Variants in RBFOX1 observed in about 807,000 individuals in gnomAD.
RBFOX1 encodes RNA binding fox-1 homolog 1.
In RBFOX1, 8 loss-of-function variants were observed where a neutral mutation model predicts 57.7. The ratio of observed to expected loss-of-function variants is 0.14; its 90% confidence interval spans 0.08 to 0.25. The LOEUF is 0.25. RBFOX1 is among the 10% of genes least tolerant of loss of function. The pLI is 1.00. For missense variants in RBFOX1, 611 were observed against 548.5 expected, an observed-to-expected ratio of 1.11 and a Z score of -1.14; for synonymous variants, 326 against 222.4, an observed-to-expected ratio of 1.47 and a Z score of -4.15.
At chr16:7,250,551 A>G (rs1331631911) in intron 4 of RBFOX1, among the ~76,000 whole-genome samples, 1 of 152,234 alleles carries the variant, frequency 6.6e-6, no homozygotes, top group Non-Finnish European at 1.5e-5. Flanking sequence ...CCTCCAAGAA[A>G]GTAAACTACC....
intron 3 of RBFOX1, among the ~76,000 whole-genome samples, chr16:6,749,541 C>T (rs374320564): frequency 1.3e-5 from 2 of 152,192 alleles, no homozygotes; most frequent in African/African-American, 4.8e-5. Context: ...CTGCCTTTGA[C>T]TTCATATCCA....
intron 3 of RBFOX1, among the ~76,000 whole-genome samples, chr16:6,751,341 G>A (rs138011139): frequency 2.1e-4 from 32 of 152,200 alleles, no homozygotes; most frequent in African/African-American, 5.5e-4. Context: ...CCAGAAAAAT[G>A]AATGGACTGA....
At chr16:6,456,878 T>C (rs1331846231) in intron 2 of RBFOX1, among the ~76,000 whole-genome samples, 2 of 152,220 alleles carry the variant, frequency 1.3e-5, no homozygotes, top group East Asian at 1.9e-4. Context: ...TTTAATGAGA[T>C]GGCAGAATTA....
chr16:5,542,648 C>T (rs201439049), intron 2 of RBFOX1, among the ~76,000 whole-genome samples: 229 of 152,214 alleles, frequency 1.5e-3, no homozygotes, highest in Middle Eastern at 3.4e-3. Flanking sequence ...AAAGACCACG[C>T]AACACTTCCA....
chr16:6,999,322 G>C (rs1459238340), intron 3 of RBFOX1, among the ~76,000 whole-genome samples: 1 of 150,762 alleles, frequency 6.6e-6, no homozygotes, highest in Non-Finnish European at 1.5e-5. Flanking sequence ...CTCCAAAAGT[G>C]ATGGGATGAC....
intron 1 of RBFOX1, among the ~76,000 whole-genome samples, chr16:5,382,556 G>A (rs150989191): frequency 1.4e-3 from 219 of 152,174 alleles, no homozygotes; most frequent in Non-Finnish European, 2.4e-3. Flanking sequence ...TCACCTCCTC[G>A]TCTGTACTTT....
At chr16:6,329,086 C>A (rs1015574126) in intron 2 of RBFOX1, among the ~76,000 whole-genome samples, 3 of 152,200 alleles carry the variant, frequency 2.0e-5, no homozygotes, top group African/African-American at 7.2e-5. Flanking sequence ...TGAAGTTAAT[C>A]TTTCCTTTCA....
chr16:7,205,102 C>G (rs894584090), intron 4 of RBFOX1, among the ~76,000 whole-genome samples: 3 of 152,152 alleles, frequency 2.0e-5, no homozygotes, highest in African/African-American at 4.8e-5. Context: ...CCCCTTTTAT[C>G]TGATTTTCTC....
At chr16:7,204,444 C>G (rs966419040) in intron 4 of RBFOX1, among the ~76,000 whole-genome samples, 4 of 152,104 alleles carry the variant, frequency 2.6e-5, no homozygotes, top group African/African-American at 7.2e-5. Flanking sequence ...GAGTTTGAGA[C>G]CAGCCTAAGC....
At chr16:6,459,908 T>C (rs1046319754) in intron 2 of RBFOX1, among the ~76,000 whole-genome samples, 2 of 137,394 alleles carry the variant, frequency 1.5e-5, no homozygotes, top group Admixed American at 1.7e-4. Flanking sequence ...AGCTTGAACC[T>C]GAGAGGCGGA....
At chr16:7,245,363 T>G (rs1177156210) in intron 4 of RBFOX1, among the ~76,000 whole-genome samples, 2 of 152,194 alleles carry the variant, frequency 1.3e-5, no homozygotes, top group African/African-American at 4.8e-5. Context: ...GTACAGGATG[T>G]GCAGGTTCAT....
At chr16:5,808,540 C>T (rs903634125) in intron 3 of RBFOX1, among the ~76,000 whole-genome samples, 10 of 152,310 alleles carry the variant, frequency 6.6e-5, no homozygotes, top group Non-Finnish European at 1.2e-4. Context: ...ATTGATTCTT[C>T]CTACCCATGA....
chr16:7,015,916 C>G (rs1597079367), intron 3 of RBFOX1, among the ~76,000 whole-genome samples: 1 of 152,030 alleles, frequency 6.6e-6, no homozygotes, highest in Non-Finnish European at 1.5e-5. Flanking sequence ...GGAAATCTAA[C>G]TTCTCTTTGA....
At chr16:5,522,802 C>T (rs1177760785) in intron 2 of RBFOX1, among the ~76,000 whole-genome samples, 1 of 152,200 alleles carries the variant, frequency 6.6e-6, no homozygotes, top group African/African-American at 2.4e-5. Context: ...GTTTGTCTTT[C>T]TGTGCCTGGC....
At chr16:5,348,615 C>T (rs907056753) in intron 1 of RBFOX1, among the ~76,000 whole-genome samples, 3 of 152,166 alleles carry the variant, frequency 2.0e-5, no homozygotes, top group African/African-American at 7.2e-5. Context: ...ACCTGGAGTT[C>T]ACAGCCCAAC....
intron 9 of RBFOX1, among the ~76,000 whole-genome samples, chr16:7,600,521 A>G (rs2094956551): frequency 6.6e-6 from 1 of 152,210 alleles, no homozygotes; most frequent in African/African-American, 2.4e-5. Context: ...AGTCGGGACC[A>G]ATAAAGTCAC....
chr16:6,746,433 A>G (rs533366120), intron 3 of RBFOX1, among the ~76,000 whole-genome samples: 1 of 152,230 alleles, frequency 6.6e-6, no homozygotes, highest in African/African-American at 2.4e-5. Context: ...TCTCAGCACT[A>G]TGGGAAGACT....
intron 2 of RBFOX1, chr16:6,576,767 AG>A (rs2097444620): frequency 2.0e-5 from 3 of 152,234 alleles, no homozygotes; most frequent in Non-Finnish European, 2.9e-5. Context: ...GCTAGATAAA[AG>A]GAAGTTCCCA....
intron 3 of RBFOX1, among the ~76,000 whole-genome samples, chr16:5,852,438 G>A (rs967027821): frequency 2.0e-5 from 3 of 152,196 alleles, no homozygotes; most frequent in African/African-American, 4.8e-5. Flanking sequence ...AATGTGGATA[G>A]CTCCAGGGAG....
Sources: allele counts gnomAD v4.1 joint callset (sites outside exome capture counted in the v4.1 genomes callset), GRCh38; gene constraint gnomAD v4.1.1; transcripts MANE v1.5; gene names NCBI Gene and HGNC (gene_info 2026-07-23, HGNC 2026-07-21).